The following MYH16 variants were observed in gnomAD, a reference collection of about 807,000 sequenced individuals.
The protein encoded by MYH16 is putative uncharacterized protein MYH16.
chr7:99,259,863 A>ATG (rs1472538931), intron 11 of MYH16, among the ~76,000 whole-genome samples: 1 of 149,514 alleles, frequency 6.7e-6, no homozygotes, highest in Non-Finnish European at 1.5e-5. Context: ...ATATATATAT[A>ATG]TATATTTCTG....
At chr7:99,285,016 G>T in intron 26 of MYH16, 81 bp downstream of exon 8, 3 of 449,708 alleles carry the variant, frequency 6.7e-6, no homozygotes, top group South Asian at 4.7e-5. Context: ...GCTACTTGGT[G>T]GCTGAGGTTT....
intron 20 of MYH16, among the ~76,000 whole-genome samples, chr7:99,274,881 C>G (rs1358020684): frequency 6.6e-6 from 1 of 152,036 alleles, no homozygotes; most frequent in Non-Finnish European, 1.5e-5. Context: ...ACCATGCTGG[C>G]CAGGCTGGTC....
At chr7:99,281,053 G>C (rs1182314874) in intron 23 of MYH16, 73 bp downstream of exon 5, 5 of 229,096 alleles carry the variant, frequency 2.2e-5, no homozygotes, top group Non-Finnish European at 4.6e-5. Context: ...TTGGAGACTG[G>C]AGCCCCGAGT....
intron 1 of MYH16, among the ~76,000 whole-genome samples, chr7:99,241,909 G>A (rs537330519): frequency 1.2e-3 from 177 of 150,938 alleles, no homozygotes; most frequent in African/African-American, 3.9e-3. Context: ...CACCCAGGCT[G>A]GAGTGCAGCG....
At chr7:99,239,188 A>C (rs1224142176) in intron 1 of MYH16, 1 of 152,318 alleles carries the variant, frequency 6.6e-6, no homozygotes, top group African/African-American at 2.4e-5. Flanking sequence ...GCCTACACTC[A>C]AGCTGTGTGG....
chr7:99,251,967 C>T (rs539529038), intron 6 of MYH16, among the ~76,000 whole-genome samples: 6 of 152,212 alleles, frequency 3.9e-5, no homozygotes, highest in South Asian at 2.1e-4. Flanking sequence ...AGTAAGACCC[C>T]CTATCTCAGG....
At chr7:99,256,193 C>A (rs1276836091) in intron 9 of MYH16, among the ~76,000 whole-genome samples, 2 of 134,576 alleles carry the variant, frequency 1.5e-5, no homozygotes, top group African/African-American at 5.8e-5. Flanking sequence ...AATCCCAGTG[C>A]TTTGGAAGGC....
chr7:99,259,695 T>C (rs1343544680), intron 11 of MYH16, among the ~76,000 whole-genome samples: 1 of 150,140 alleles, frequency 6.7e-6, no homozygotes, highest in Non-Finnish European at 1.5e-5. Context: ...CTTTAATATA[T>C]ATGTGTGTGT....
At chr7:99,280,354 G>C (rs970135728) in intron 22 of MYH16, among the ~76,000 whole-genome samples, 3 of 152,270 alleles carry the variant, frequency 2.0e-5, no homozygotes, top group African/African-American at 7.2e-5. Context: ...TAAGGGGACT[G>C]AGCTGTTCCC....
chr7:99,287,013 G>A (rs1474348296), intron 28 of MYH16, among the ~76,000 whole-genome samples: 3 of 152,212 alleles, frequency 2.0e-5, no homozygotes, highest in East Asian at 3.9e-4. Context: ...GGGCACAGCA[G>A]GCCACGCAGG....
intron 22 of MYH16, among the ~76,000 whole-genome samples, chr7:99,280,587 A>G (rs1330202945): frequency 6.6e-6 from 1 of 152,146 alleles, no homozygotes; most frequent in East Asian, 1.9e-4. Context: ...TGCACACACA[A>G]ACCACTGGGG....
chr7:99,249,558 A>G (rs974294636), intron 4 of MYH16, among the ~76,000 whole-genome samples: 5 of 148,128 alleles, frequency 3.4e-5, no homozygotes, highest in Non-Finnish European at 7.5e-5. Context: ...AAAAAAAAAG[A>G]AAAGAAAAGT....
At chr7:99,280,904 CG>C in exon 23 of MYH16, 1 of 419,842 alleles carries the variant, frequency 2.4e-6, no homozygotes, top group Admixed American at 2.7e-5. Context: ...CGTACCCTGA[CG>C]GGGGACCTCT....
chr7:99,251,211 GC>G, intron 6 of MYH16: 1 of 201,914 alleles, frequency 5.0e-6, no homozygotes, highest in South Asian at 9.4e-5. Context: ...CACATGAGAG[GC>G]CCCCTGGCTG....
Position 99,277,057 on chromosome 7 carries a change from C to G in MYH16, n.2486-482C>G, listed in dbSNP as rs926489125. Among the ~76,000 whole-genome samples, 16 of 107,574 alleles carry G rather than the reference C, an allele frequency of 1.5e-4. No individual in the cohort carries two copies. In the South Asian group the frequency reaches 3.8e-3, roughly 26 times the overall value. The allele number at this position is 107,574 out of a possible 152,430, so 70.6% of individuals were successfully genotyped here. A position where few individuals can be genotyped will look rare whatever the true frequency, so the allele number is the denominator to read the frequency against. ...AGAGAGACACAGAGAGAGAGAGAGA[C>G]ACAGAGAGAGAGAGAGAAACAGTGG... is the stretch of plus-strand genomic sequence containing the variant. On this transcript the variant is annotated intron_variant and non_coding_transcript_variant, in intron 20 of 41. Coordinates refer to ENST00000439784, the Ensembl canonical transcript of MYH16.
chr7:99,242,835 C>A (rs1791681156), intron 1 of MYH16, among the ~76,000 whole-genome samples: 1 of 152,098 alleles, frequency 6.6e-6, no homozygotes, highest in Non-Finnish European at 1.5e-5. Flanking sequence ...ATTTCGAAAT[C>A]ACCGCTAACT....
At chr7:99,239,397 C>T (rs547695248) in intron 1 of MYH16, among the ~76,000 whole-genome samples, 1 of 152,332 alleles carries the variant, frequency 6.6e-6, no homozygotes, top group Middle Eastern at 3.4e-3. Flanking sequence ...CACTTATGAG[C>T]AGTGTCACTG....
intron 2 of MYH16, chr7:99,247,583 C>G (rs1791747906): frequency 5.8e-6 from 1 of 173,744 alleles, no homozygotes. Flanking sequence ...ATCTTCCCTC[C>G]CTCCCACCAG....
intron 36 of MYH16, among the ~76,000 whole-genome samples, chr7:99,298,936 T>G (rs1322261120): frequency 6.6e-6 from 1 of 152,078 alleles, no homozygotes; most frequent in Non-Finnish European, 1.5e-5. Flanking sequence ...ATAAAGGTTA[T>G]TTAATTTTGG....
Sources: allele counts gnomAD v4.1 joint callset (sites outside exome capture counted in the v4.1 genomes callset), GRCh38; gene constraint gnomAD v4.1.1; transcripts MANE v1.5; gene names NCBI Gene and HGNC (gene_info 2026-07-23, HGNC 2026-07-21).